Variants in SELENOT observed in about 807,000 individuals in gnomAD.
SELENOT encodes selenoprotein T.
In SELENOT, 9 loss-of-function variants were observed where a neutral mutation model predicts 24.3. That is an observed-to-expected ratio of 0.37 (90% CI 0.22 to 0.65). The LOEUF (loss-of-function observed/expected upper bound fraction) is 0.65. SELENOT is among the 30% of genes least tolerant of loss of function. The pLI is 0.60. For missense variants in SELENOT, 166 were observed against 247.6 expected (o/e 0.67, Z 2.21); for synonymous variants, 81 against 86.0 (o/e 0.94, Z 0.32).
chr3:150,611,915 C>T (rs1259104091), intron 1 of SELENOT: 9 of 984,042 alleles, frequency 9.1e-6, no homozygotes, highest in Non-Finnish European at 1.3e-5. Context: ...GACAGAAATC[C>T]CCACTCTCCT....
intron 1 of SELENOT, among the ~76,000 whole-genome samples, chr3:150,617,920 G>A (rs368495090): frequency 3.3e-5 from 5 of 152,068 alleles, no homozygotes; most frequent in East Asian, 3.9e-4. Flanking sequence ...GCAGTGGTGC[G>A]GTATTGGCTC....
Position 150,628,488 on chromosome 3 carries a change from T to C in SELENOT, c.*859T>C, listed in dbSNP as rs886577038. The C allele has an allele frequency of 1.3e-5, 2 of 152,504 alleles. No homozygotes were observed. Among genetic ancestry groups the C allele is most frequent in the African/African-American group, 4.8e-5 (2 of 41,458 alleles). 9.4% of individuals were successfully genotyped at this position (152,504 alleles called of 1,614,324 possible). On this transcript the variant is annotated 3_prime_UTR_variant, in exon 6 of 6. Transcript: ENST00000471696. ...GATAATTTCTTAAGAGTACACACTT[T>C]AGATACACAAATAATCGTTCATTTA...
intron 1 of SELENOT, among the ~76,000 whole-genome samples, chr3:150,618,328 G>T (rs1318009875): frequency 6.6e-6 from 1 of 152,186 alleles, no homozygotes; most frequent in Admixed American, 6.5e-5. Flanking sequence ...AGAGTGAATT[G>T]GAGAGATTGT....
intron 1 of SELENOT, among the ~76,000 whole-genome samples, chr3:150,620,585 T>C (rs1257768976): frequency 6.6e-6 from 1 of 152,218 alleles, no homozygotes. Context: ...ATACATTGGA[T>C]GCATAACTTC....
At chr3:150,606,589 A>T (rs895922353) in intron 1 of SELENOT, among the ~76,000 whole-genome samples, 1 of 152,196 alleles carries the variant, frequency 6.6e-6, no homozygotes, top group Non-Finnish European at 1.5e-5. Flanking sequence ...TTCTCTAATC[A>T]GAGCTTAAAA....
intron 4 of SELENOT, 86 bp downstream of exon 4, chr3:150,624,985 ACTT>A (rs1309021433): frequency 3.2e-6 from 2 of 617,526 alleles, no homozygotes; most frequent in Non-Finnish European, 5.1e-6. Flanking sequence ...AATAAGATAA[ACTT>A]CTTTAGTGTT....
chr3:150,608,333 A>G (rs1296467122), intron 1 of SELENOT, among the ~76,000 whole-genome samples: 1 of 152,254 alleles, frequency 6.6e-6, no homozygotes, highest in Non-Finnish European at 1.5e-5. Context: ...AACCTAAAAT[A>G]CATAATGGAT....
chr3:150,626,834 G>A, intron 4 of SELENOT, 176 bp from the exon 5 acceptor site: 1 of 588,152 alleles, frequency 1.7e-6, no homozygotes, highest in Non-Finnish European at 3.0e-6. Context: ...AGCCATTTGT[G>A]TAGTTCTTTT....
At position 150,627,996 on chromosome 3, in the gene SELENOT, A is replaced by T. The variant is rs1406650100; in HGVS notation, c.*367A>T. ...TGAGTTACAATTTGATTTTTTTTCCAAAGATGTCTGTTAAATCTGTTGTGC... is the reference window on the plus strand; with the variant it reads ...TGAGTTACAATTTGATTTTTTTTCCTAAGATGTCTGTTAAATCTGTTGTGC... On this transcript the variant is annotated 3_prime_UTR_variant, in exon 6 of 6. Coordinates refer to ENST00000471696, the MANE Select transcript of SELENOT (RefSeq NM_016275.5). 2 of 152,068 alleles carry T rather than the reference A, an allele frequency of 1.3e-5. No individual in the cohort carries two copies. The highest frequency in any genetic ancestry group is 2.9e-5 in the Non-Finnish European group (2 of 68,018). 9.4% of individuals were successfully genotyped at this position (152,068 alleles called of 1,614,324 possible).
intron 1 of SELENOT, among the ~76,000 whole-genome samples, chr3:150,617,724 G>T (rs577447093): frequency 6.6e-6 from 1 of 151,990 alleles, no homozygotes; most frequent in African/African-American, 2.4e-5. Context: ...ATATAATATA[G>T]TTCCTTAACC....
chr3:150,614,971 C>T (rs1041497371), intron 1 of SELENOT, among the ~76,000 whole-genome samples: 2 of 148,724 alleles, frequency 1.3e-5, no homozygotes, highest in African/African-American at 2.5e-5. Context: ...CCCACTAACT[C>T]GTCATCTAGC....
chr3:150,606,602 C>T (rs1307230580), intron 1 of SELENOT, among the ~76,000 whole-genome samples: 2 of 152,030 alleles, frequency 1.3e-5, no homozygotes, highest in African/African-American at 4.8e-5. Context: ...GCTTAAAATT[C>T]CATTGTTTTT....
Position 150,606,989 on chromosome 3 carries a change from T to C in SELENOT, c.137+3490T>C, listed in dbSNP as rs1017081626. ...ATGTTTGTCATACATACTTTCTCCGTATATGCGATTTAACATGTAATCAGA... is the reference window on the plus strand; with the variant it reads ...ATGTTTGTCATACATACTTTCTCCGCATATGCGATTTAACATGTAATCAGA... On this transcript the variant is annotated intron_variant, in intron 1 of 5. Coordinates refer to ENST00000471696, the MANE Select transcript of SELENOT (RefSeq NM_016275.5). Among the ~76,000 whole-genome samples the C allele has an allele frequency of 5.9e-5, 9 of 152,340 alleles. No homozygotes were observed. The South Asian group carries it at 6.2e-4, about 11-fold the overall frequency.
At chr3:150,623,896 T>G (rs1301643042) in intron 3 of SELENOT, among the ~76,000 whole-genome samples, 4 of 152,104 alleles carry the variant, frequency 2.6e-5, no homozygotes, top group African/African-American at 9.6e-5. Flanking sequence ...AGGCTTCCTT[T>G]TATGAAGTCT....
chr3:150,606,644 G>A (rs1039970650), intron 1 of SELENOT, among the ~76,000 whole-genome samples: 5 of 152,172 alleles, frequency 3.3e-5, no homozygotes, highest in African/African-American at 1.2e-4. Flanking sequence ...CCAAGCTAGA[G>A]TGCAGTGGTG....
chr3:150,613,228 G>A (rs1171441774), intron 1 of SELENOT, among the ~76,000 whole-genome samples: 1 of 152,172 alleles, frequency 6.6e-6, no homozygotes. Flanking sequence ...GTCAGCTCAT[G>A]GTGGAAGGTC....
At chr3:150,621,502 G>A (rs1169256340) in intron 1 of SELENOT, among the ~76,000 whole-genome samples, 1 of 150,648 alleles carries the variant, frequency 6.6e-6, no homozygotes, top group East Asian at 2.0e-4. Context: ...CCTTAACTTA[G>A]AATTTAGTGA....
chr3:150,611,145 C>A, intron 1 of SELENOT: 3 of 617,560 alleles, frequency 4.9e-6, no homozygotes, highest in Admixed American at 3.1e-5. Context: ...GAGTCAGAAA[C>A]AAAGAAAATA....
chr3:150,623,219 A>G (rs770335397), intron 3 of SELENOT, 50 bp downstream of exon 3: 7 of 1,448,896 alleles, frequency 4.8e-6, no homozygotes, highest in Non-Finnish European at 5.5e-6. Flanking sequence ...GTTGTCAGTG[A>G]AATATTCTAA....
Sources: gnomAD v4.1 joint callset for allele counts (sites outside exome capture counted in the v4.1 genomes callset) on GRCh38, gnomAD v4.1.1 for gene constraint, MANE v1.5 for transcripts, NCBI Gene and HGNC (gene_info 2026-07-23, HGNC 2026-07-21) for gene names.